Variants in HDAC9 observed in about 807,000 individuals in gnomAD.
The protein encoded by HDAC9 is MEF-2 interacting transcription repressor (MITR) protein.
A neutral mutation model predicts 139.4 loss-of-function variants in HDAC9; 41 were observed. That is an observed-to-expected ratio of 0.29 (90% CI 0.23 to 0.38). The LOEUF is 0.38. Among genes scored for constraint, HDAC9 ranks in the 10% least tolerant of loss-of-function variants. The pLI is 1.00. For missense variants in HDAC9, 1,147 were observed against 1,297.0 expected (o/e 0.88, Z 1.78); for synonymous variants, 517 against 476.2 (o/e 1.09, Z -1.12).
intron 1 of HDAC9, among the ~76,000 whole-genome samples, chr7:18,089,154 G>A (rs1469064023): frequency 6.6e-6 from 1 of 152,142 alleles, no homozygotes; most frequent in Non-Finnish European, 1.5e-5. Flanking sequence ...ATAAGGTTGT[G>A]CAGAAGGAAG....
At chr7:18,991,239 AAG>A (rs1785909427) in intron 25 of HDAC9, among the ~76,000 whole-genome samples, 1 of 152,220 alleles carries the variant, frequency 6.6e-6, no homozygotes, top group South Asian at 2.1e-4. Context: ...GGAGATGAAA[AAG>A]AAAAATGAAT....
chr7:18,689,920 AC>A (rs1390562286), intron 12 of HDAC9, among the ~76,000 whole-genome samples: 1 of 152,070 alleles, frequency 6.6e-6, no homozygotes, highest in Non-Finnish European at 1.5e-5. Context: ...ATAAGTCAGG[AC>A]ACAAATTCCA....
At chr7:18,920,390 T>G (rs540145412) in intron 22 of HDAC9, among the ~76,000 whole-genome samples, 7,425 of 152,212 alleles carry the variant, frequency 0.049, 251 homozygotes, top group South Asian at 0.13. Flanking sequence ...AAGGAGATTT[T>G]GGGCTGAGAC....
At chr7:18,780,118 C>G (rs545422457) in intron 16 of HDAC9, among the ~76,000 whole-genome samples, 11 of 152,104 alleles carry the variant, frequency 7.2e-5, no homozygotes, top group African/African-American at 2.6e-4. Context: ...GATGGCATTG[C>G]TACTCATCCG....
At chr7:18,570,156 A>G (rs1201546005) in intron 2 of HDAC9, among the ~76,000 whole-genome samples, 4 of 152,316 alleles carry the variant, frequency 2.6e-5, no homozygotes, top group Non-Finnish European at 5.9e-5. Flanking sequence ...ATTGGAGAGT[A>G]CAGCCATAGT....
intron 2 of HDAC9, among the ~76,000 whole-genome samples, chr7:18,227,912 A>G (rs1013954695): frequency 6.6e-5 from 10 of 152,162 alleles, no homozygotes; most frequent in African/African-American, 2.4e-4. Flanking sequence ...CGCTGTGCTA[A>G]TACACTTTTT....
chr7:18,685,880 T>C (rs905352541), intron 12 of HDAC9, among the ~76,000 whole-genome samples: 9 of 151,998 alleles, frequency 5.9e-5, no homozygotes, highest in African/African-American at 1.2e-4. Context: ...GGCAAAATTT[T>C]ATTGTTGGTA....
At chr7:18,756,779 G>C (rs1156444920) in intron 14 of HDAC9, among the ~76,000 whole-genome samples, 4 of 152,138 alleles carry the variant, frequency 2.6e-5, no homozygotes, top group Non-Finnish European at 5.9e-5. Context: ...CTCCCAACTT[G>C]CAATTCTCTT....
At chr7:18,592,357 T>A (rs1831240447) in intron 5 of HDAC9, among the ~76,000 whole-genome samples, 1 of 152,104 alleles carries the variant, frequency 6.6e-6, no homozygotes, top group Non-Finnish European at 1.5e-5. Flanking sequence ...TTTCTGTAAG[T>A]CCAATACACA....
chr7:18,756,690 A>G (rs1476694212), intron 14 of HDAC9, among the ~76,000 whole-genome samples: 1 of 152,232 alleles, frequency 6.6e-6, no homozygotes, highest in Non-Finnish European at 1.5e-5. Flanking sequence ...TAGATGAAGA[A>G]ACAAAGGCCC....
rs146515211 is a variant in HDAC9, at chr7:18,610,466, C to T, written c.664+16437C>T. Among the ~76,000 whole-genome samples, 66 of 152,290 alleles carry T rather than the reference C, an allele frequency of 4.3e-4. 2 individuals carry two copies. The highest frequency in any genetic ancestry group is 1.6e-3 in the African/African-American group (65 of 41,560). On this transcript the variant is annotated intron_variant, in intron 6 of 25. Coordinates refer to ENST00000686413, the MANE Select transcript of HDAC9 (RefSeq NM_178425.4). ...TTAACAACGATAGCAAAAACAAACA[C>T]TCTTTCCCCGGTCATTCTGATAAAT...
At chr7:18,874,237 T>G (rs968023799) in intron 21 of HDAC9, among the ~76,000 whole-genome samples, 3 of 151,696 alleles carry the variant, frequency 2.0e-5, no homozygotes, top group Middle Eastern at 3.4e-3. Context: ...CAAAGCAGTT[T>G]TTTTTTTTTT....
At chr7:18,885,788 G>C (rs182409018) in intron 22 of HDAC9, among the ~76,000 whole-genome samples, 1 of 152,006 alleles carries the variant, frequency 6.6e-6, no homozygotes, top group Non-Finnish European at 1.5e-5. Flanking sequence ...AATTTTCCAG[G>C]TCAGAAAAGT....
chr7:18,644,976 C>T (rs560600320), intron 9 of HDAC9, among the ~76,000 whole-genome samples, 183 bp downstream of exon 9: 1 of 152,164 alleles, frequency 6.6e-6, no homozygotes, highest in South Asian at 2.1e-4. Context: ...CAGAATTATC[C>T]TGGTTCACAT....
At chr7:18,222,643 A>C (rs1290234327) in intron 2 of HDAC9, among the ~76,000 whole-genome samples, 1 of 152,146 alleles carries the variant, frequency 6.6e-6, no homozygotes, top group Non-Finnish European at 1.5e-5. Flanking sequence ...TGTTATTTGC[A>C]AATGTAAACC....
At chr7:18,750,061 T>C (rs1446673803) in intron 14 of HDAC9, among the ~76,000 whole-genome samples, 2 of 152,184 alleles carry the variant, frequency 1.3e-5, no homozygotes, top group Non-Finnish European at 2.9e-5. Flanking sequence ...AGGTTTAAAC[T>C]GAGTCTGTAA....
intron 17 of HDAC9, among the ~76,000 whole-genome samples, chr7:18,803,558 C>A (rs142191263): frequency 6.6e-6 from 1 of 152,256 alleles, no homozygotes; most frequent in African/African-American, 2.4e-5. Context: ...GCTAAGTACA[C>A]AGTTCAAAGT....
intron 2 of HDAC9, among the ~76,000 whole-genome samples, chr7:18,579,125 A>G (rs776401153): frequency 6.6e-6 from 1 of 152,240 alleles, no homozygotes; most frequent in Non-Finnish European, 1.5e-5. Flanking sequence ...TGTTATCATC[A>G]TGATACATGT....
At chr7:18,544,713 C>G (rs1814190916) in intron 2 of HDAC9, among the ~76,000 whole-genome samples, 1 of 152,098 alleles carries the variant, frequency 6.6e-6, no homozygotes, top group South Asian at 2.1e-4. Flanking sequence ...CTATTAGAAA[C>G]TAAGGAAAGA....
Sources: allele counts gnomAD v4.1 joint callset (sites outside exome capture counted in the v4.1 genomes callset), GRCh38; gene constraint gnomAD v4.1.1; transcripts MANE v1.5; gene names NCBI Gene and HGNC (gene_info 2026-07-23, HGNC 2026-07-21).